ATRN: variants seen among roughly 807,000 people sequenced by gnomAD.
ATRN encodes the protein attractin.
A neutral mutation model predicts 178.7 loss-of-function variants in ATRN; 54 were observed. The observed-to-expected ratio is 0.30, with a 90% CI of 0.24 to 0.38. The LOEUF (loss-of-function observed/expected upper bound fraction) is 0.38. ATRN is among the 10% of genes least tolerant of loss of function. The probability of loss-of-function intolerance (pLI) is 1.00; values close to 1 mark genes in which losing one functional copy is unlikely to be tolerated. For missense variants in ATRN, 1,443 were observed against 1,815.1 expected (o/e 0.79, Z 3.73); for synonymous variants, 636 against 663.0 (o/e 0.96, Z 0.63).
intron 1 of ATRN, among the ~76,000 whole-genome samples, chr20:3,507,573 T>C (rs959907430): frequency 3.3e-5 from 5 of 152,110 alleles, no homozygotes; most frequent in African/African-American, 1.2e-4. Flanking sequence ...TCCTAGAATG[T>C]TCACAAAGTG....
At position 3,650,652 on chromosome 20, in the gene ATRN, T is replaced by A. The variant is rs995205685; in HGVS notation, c.*3805T>A. On this transcript the variant is annotated 3_prime_UTR_variant, in exon 29 of 29. Coordinates refer to ENST00000262919, the MANE Select transcript of ATRN (RefSeq NM_139321.3). ...ACACCCTGCCTACAAGGAGATGTTT[T>A]GAAATGGAGAGGAAAATTGGCACCT... 1 of 152,476 alleles carries A rather than the reference T, an allele frequency of 6.6e-6. No homozygotes were observed. Among genetic ancestry groups the A allele is most frequent in the Non-Finnish European group, 1.5e-5 (1 of 68,030 alleles). 9.4% of individuals were successfully genotyped at this position (152,476 alleles called of 1,614,324 possible).
intron 1 of ATRN, among the ~76,000 whole-genome samples, chr20:3,518,808 G>A (rs1184693071): frequency 1.3e-5 from 2 of 151,750 alleles, no homozygotes; most frequent in Non-Finnish European, 2.9e-5. Context: ...AACCACAATA[G>A]TATTATCATG....
chr20:3,493,040 A>G (rs2084827343), intron 1 of ATRN, among the ~76,000 whole-genome samples: 3 of 146,636 alleles, frequency 2.0e-5, no homozygotes. Context: ...TATATAAAAT[A>G]TATAATTATA....
At chr20:3,585,036 C>G (rs1568746386) in intron 18 of ATRN, among the ~76,000 whole-genome samples, 156 bp downstream of exon 18, 1 of 152,198 alleles carries the variant, frequency 6.6e-6, no homozygotes, top group East Asian at 1.9e-4. Flanking sequence ...AGAAGCTGGT[C>G]CAAGGCCTGA....
rs144115625 is a variant in ATRN, at chr20:3,473,515, T to C, written c.410+1998T>C. On this transcript the variant is annotated intron_variant, in intron 1 of 28. Transcript: ENST00000262919. ...AGATCTGTGGGTTGGATTGAGAATT[T>C]TGACCTTTAGCCCAAGAGCTGTGAA... 6.8e-3 allele frequency among the ~76,000 whole-genome samples: 1,037 copies of C among 152,144 alleles called. 3 individuals carry two copies. Among genetic ancestry groups the C allele is most frequent in the Non-Finnish European group, 9.0e-3 (611 of 67,974 alleles).
rs373621317 is a variant in ATRN, at chr20:3,541,357, G to A, written c.608+1022G>A. ...CTCCCAAAGTGCTGGGATTACAGGC[G>A]TGAGCCACCGCGCCCGGCCTAGAGG... On this transcript the variant is annotated intron_variant, in intron 3 of 28. Transcript: ENST00000262919. Among the ~76,000 whole-genome samples the A allele has an allele frequency of 1.3e-4, 20 of 152,284 alleles. 2 individuals carry two copies. Among genetic ancestry groups the A allele is most frequent in the Admixed American group, 1.0e-3 (16 of 15,300 alleles).
chr20:3,482,503 T>C (rs767095213), intron 1 of ATRN, among the ~76,000 whole-genome samples: 1 of 152,244 alleles, frequency 6.6e-6, no homozygotes, highest in Non-Finnish European at 1.5e-5. Context: ...ACACATTTCC[T>C]GTTTGGATAG....
intron 1 of ATRN, among the ~76,000 whole-genome samples, chr20:3,492,866 CGT>C (rs1491584145): frequency 0.07 from 8,580 of 123,446 alleles, 318 homozygotes; most frequent in African/African-American, 0.093. Context: ...CGCGCGCGCG[CGT>C]GCGCACGCAC....
chr20:3,487,063 A>T (rs142354908), intron 1 of ATRN, among the ~76,000 whole-genome samples: 10 of 152,246 alleles, frequency 6.6e-5, no homozygotes, highest in Middle Eastern at 3.4e-3. Context: ...CTAGTTCACA[A>T]ATTCTCACTT....
At chr20:3,496,761 T>C (rs1200272173) in intron 1 of ATRN, among the ~76,000 whole-genome samples, 1 of 152,042 alleles carries the variant, frequency 6.6e-6, no homozygotes. Flanking sequence ...GACAGTGGGG[T>C]GTTAAAGTCT....
chr20:3,502,902 T>C (rs1426728447), intron 1 of ATRN, among the ~76,000 whole-genome samples: 2 of 152,124 alleles, frequency 1.3e-5, no homozygotes, highest in East Asian at 1.9e-4. Context: ...CCCAGAGATA[T>C]GGGCAGGTAG....
intron 1 of ATRN, among the ~76,000 whole-genome samples, chr20:3,489,087 A>G (rs1264742617): frequency 6.6e-6 from 1 of 152,014 alleles, no homozygotes; most frequent in Non-Finnish European, 1.5e-5. Flanking sequence ...CAGCCTCCCA[A>G]GTAGCTGGGA....
chr20:3,488,588 T>A (rs992202797), intron 1 of ATRN, among the ~76,000 whole-genome samples: 3 of 152,240 alleles, frequency 2.0e-5, no homozygotes, highest in Non-Finnish European at 2.9e-5. Flanking sequence ...GGTCCGTTTG[T>A]CTATCCTTAT....
At chr20:3,624,714 A>C in intron 25 of ATRN, 142 bp downstream of exon 25, 1 of 727,676 alleles carries the variant, frequency 1.4e-6, no homozygotes, top group Admixed American at 2.7e-5. Context: ...GTTCCTGAAA[A>C]GTTAGATGTC....
At chr20:3,591,687 G>C (rs565966554) in intron 19 of ATRN, among the ~76,000 whole-genome samples, 17 of 152,264 alleles carry the variant, frequency 1.1e-4, no homozygotes, top group African/African-American at 4.1e-4. Flanking sequence ...CCGGACAAAA[G>C]GTTCCAGCAG....
At chr20:3,641,362 G>C (rs187566606) in intron 27 of ATRN, among the ~76,000 whole-genome samples, 2 of 151,878 alleles carry the variant, frequency 1.3e-5, no homozygotes, top group African/African-American at 4.8e-5. Flanking sequence ...AGGCCGAGGC[G>C]GGCGGATCAC....
rs16988664 is a variant in ATRN at position 3,542,159 on chromosome 20, C to T, written c.608+1824C>T. On this transcript the variant is annotated intron_variant, in intron 3 of 28. Coordinates refer to ENST00000262919, the MANE Select transcript of ATRN (RefSeq NM_139321.3). ...GTTGGAGTGTATATGTTTATGCCAG[C>T]ATTTGAAACATAACTTGTAGCAAAA... is the stretch of plus-strand genomic sequence containing the variant. Among the ~76,000 whole-genome samples, 955 of 152,322 alleles carry T rather than the reference C, an allele frequency of 6.3e-3. 14 individuals carry two copies. The highest frequency in any genetic ancestry group is 0.021 in the African/African-American group (890 of 41,564).
chr20:3,489,757 C>G, intron 1 of ATRN: 1 of 1,468,744 alleles, frequency 6.8e-7, no homozygotes, highest in Non-Finnish European at 9.5e-7. Context: ...TGCTATTCAG[C>G]AAAGTGTCAC....
intron 1 of ATRN, chr20:3,490,062 AAT>A (rs1163193904): frequency 3.0e-5 from 36 of 1,193,370 alleles, no homozygotes; most frequent in Non-Finnish European, 4.1e-5. Flanking sequence ...CTAGAAAAGC[AAT>A]GTCTTTGTTC....
Sources: allele counts gnomAD v4.1 joint callset (sites outside exome capture counted in the v4.1 genomes callset), GRCh38; gene constraint gnomAD v4.1.1; transcripts MANE v1.5; gene names NCBI Gene and HGNC (gene_info 2026-07-23, HGNC 2026-07-21).